Variants in CDKN2B-AS1 observed in about 807,000 individuals in gnomAD.
The protein encoded by CDKN2B-AS1 is CDKN2B antisense RNA 1 (non-protein coding).
Position 21,998,911 on chromosome 9 carries a change from A to G in CDKN2B-AS1, n.29+3750A>G, listed in dbSNP as rs573847763. Among the ~76,000 whole-genome samples, 4 of 152,344 alleles carry G rather than the reference A, an allele frequency of 2.6e-5. No individual in the cohort carries two copies. In the East Asian group the frequency reaches 7.7e-4, roughly 29 times the overall value. On this transcript the variant is annotated intron_variant and non_coding_transcript_variant, in intron 1 of 4. Transcript: ENST00000650946. ...ATAAAAAACAATTATTTGATCATAT[A>G]TGTCAAAAGATTAATTACTAGACTA...
chr9:22,046,868 A>G (rs529606349), exon 2 of CDKN2B-AS1: 1 of 152,300 alleles, frequency 6.6e-6, no homozygotes, highest in Middle Eastern at 3.4e-3. Context: ...ATTGAAAAAC[A>G]CACATCAAAG....
rs1402144979 is a variant in CDKN2B-AS1 at position 22,005,895 on chromosome 9, TC to T, written n.29+10738del. On this transcript the variant is annotated intron_variant and non_coding_transcript_variant, in intron 1 of 4. Coordinates refer to ENST00000650946, the Ensembl canonical transcript of CDKN2B-AS1. This position sits in a 1 kb window ranked among gnomAD's most constrained non-coding sequence, Gnocchi z 4.9. ...TGCAGGCTTACAGGCTTTCCGCCGC[TC>T]CCCGTTGGCAGCCTTCATCGAATTA... 44 of 1,514,960 alleles carry T rather than the reference TC, an allele frequency of 2.9e-5. No individual in the cohort carries two copies. The highest frequency in any genetic ancestry group is 3.9e-5 in the Non-Finnish European group (44 of 1,124,384). The allele number at this position is 1,514,960 out of a possible 1,614,324, so 93.8% of individuals were successfully genotyped here. A position where few individuals can be genotyped will look rare whatever the true frequency, so the allele number is the denominator to read the frequency against.
At chr9:22,106,644 AG>A (rs1825668531) in intron 4 of CDKN2B-AS1, among the ~76,000 whole-genome samples, 1 of 152,248 alleles carries the variant, frequency 6.6e-6, no homozygotes, top group African/African-American at 2.4e-5. Context: ...GGCACAAAGT[AG>A]GCACTTCATA....
chr9:22,083,051 A>G (rs1284545450), intron 4 of CDKN2B-AS1, among the ~76,000 whole-genome samples: 1 of 152,224 alleles, frequency 6.6e-6, no homozygotes. Context: ...GATTTGTGTC[A>G]TAATAACAAA....
At chr9:22,010,341 G>A (rs1008037072) in intron 1 of CDKN2B-AS1, among the ~76,000 whole-genome samples, 3 of 152,144 alleles carry the variant, frequency 2.0e-5, no homozygotes, top group African/African-American at 7.2e-5. Context: ...GAAGAGAACC[G>A]CAAGTTATGG....
intron 4 of CDKN2B-AS1, among the ~76,000 whole-genome samples, chr9:22,124,716 T>C (rs1817990782): frequency 6.6e-6 from 1 of 152,210 alleles, no homozygotes; most frequent in South Asian, 2.1e-4. Flanking sequence ...GGGAACAGCG[T>C]GGAGTCTAGC....
rs191172545 is a variant in CDKN2B-AS1, at chr9:22,031,292, A to G, written n.30-15459A>G. Among the ~76,000 whole-genome samples, 4 of 152,348 alleles carry G rather than the reference A, an allele frequency of 2.6e-5. No individual in the cohort carries two copies. In the South Asian group the frequency reaches 6.2e-4, roughly 24 times the overall value. On this transcript the variant is annotated intron_variant and non_coding_transcript_variant, in intron 1 of 4. Coordinates refer to ENST00000650946, the Ensembl canonical transcript of CDKN2B-AS1. ...CTTAAAAGAGTTACACCTACAGTCC[A>G]TATACCACCCATAATCATCTCAAGT...
intron 1 of CDKN2B-AS1, among the ~76,000 whole-genome samples, chr9:22,019,985 TGTTA>T (rs1436697162): frequency 2.0e-5 from 3 of 152,102 alleles, no homozygotes; most frequent in South Asian, 2.1e-4. Flanking sequence ...GTCTAGTACT[TGTTA>T]GTTAGTTATT....
chr9:22,090,992 C>T (rs200629181), intron 4 of CDKN2B-AS1, among the ~76,000 whole-genome samples: 30 of 152,138 alleles, frequency 2.0e-4, no homozygotes, highest in African/African-American at 6.0e-4. Context: ...CCATCTTGAA[C>T]TAATTTTTGT....
intron 4 of CDKN2B-AS1, among the ~76,000 whole-genome samples, chr9:22,103,184 G>A (rs1537372): frequency 1.1e-4 from 15 of 133,212 alleles, no homozygotes; most frequent in African/African-American, 3.2e-4. Context: ...TGTGTGGTGC[G>A]TGAAGAGAGG....
intron 1 of CDKN2B-AS1, among the ~76,000 whole-genome samples, chr9:22,019,272 T>TA (rs1321496927): frequency 1.3e-5 from 2 of 152,238 alleles, no homozygotes; most frequent in African/African-American, 4.8e-5. Context: ...CAGTTAAATT[T>TA]AAAAAATACT....
intron 1 of CDKN2B-AS1, among the ~76,000 whole-genome samples, chr9:22,028,810 T>C (rs1286956525): frequency 6.6e-6 from 1 of 152,156 alleles, no homozygotes; most frequent in Non-Finnish European, 1.5e-5. Flanking sequence ...CCATTATAGA[T>C]TTGAATTGAT....
chr9:22,081,737 CCT>C (rs1392369151), intron 4 of CDKN2B-AS1, among the ~76,000 whole-genome samples: 5 of 152,204 alleles, frequency 3.3e-5, no homozygotes, highest in Admixed American at 3.3e-4. Context: ...GACACTTTTC[CCT>C]CTGACTCAGT....
At chr9:22,075,559 C>A (rs2131322011) in intron 4 of CDKN2B-AS1, among the ~76,000 whole-genome samples, 1 of 152,292 alleles carries the variant, frequency 6.6e-6, no homozygotes, top group South Asian at 2.1e-4. Context: ...AAAACCACAA[C>A]CCCCAAATTG....
chr9:22,113,662 A>G (rs886367690), intron 4 of CDKN2B-AS1: 3 of 152,160 alleles, frequency 2.0e-5, no homozygotes, highest in African/African-American at 7.2e-5. Flanking sequence ...TGCTTGCCTC[A>G]CAGGATCTTA....
chr9:22,012,037 A>G (rs1367211613), intron 1 of CDKN2B-AS1: 3 of 561,560 alleles, frequency 5.3e-6, no homozygotes, highest in Non-Finnish European at 9.7e-6. Flanking sequence ...GATCACTAGT[A>G]ATAATATTTT....
Position 22,005,490 on chromosome 9 carries a change from T to C in CDKN2B-AS1, n.29+10329T>C. On this transcript the variant is annotated intron_variant and non_coding_transcript_variant, in intron 1 of 4. Transcript: ENST00000650946. The surrounding 1 kb of genome is among the most constrained non-coding windows in gnomAD (Gnocchi z 4.9). ...GCCCTCCTCCACTTTGTCCTCAGTCTTCAGGTTTTCCTTTCTGCCGCTAGG... is the reference window on the plus strand; with the variant it reads ...GCCCTCCTCCACTTTGTCCTCAGTCCTCAGGTTTTCCTTTCTGCCGCTAGG... 1 of 274,382 alleles carries C rather than the reference T, an allele frequency of 3.6e-6. No homozygotes were observed. Among genetic ancestry groups the C allele is most frequent in the South Asian group, 9.5e-5 (1 of 10,500 alleles). The allele number at this position is 274,382 out of a possible 1,614,324, so 17.0% of individuals were successfully genotyped here.
intron 4 of CDKN2B-AS1, among the ~76,000 whole-genome samples, chr9:22,085,316 C>T (rs1014775267): frequency 1.3e-5 from 2 of 152,150 alleles, no homozygotes; most frequent in Non-Finnish European, 2.9e-5. Flanking sequence ...TATGCTTATC[C>T]CAACCCCACC....
At chr9:21,998,987 A>C (rs542644386) in intron 1 of CDKN2B-AS1, among the ~76,000 whole-genome samples, 1 of 152,368 alleles carries the variant, frequency 6.6e-6, no homozygotes, top group Admixed American at 6.5e-5. Context: ...AAAAAGGCAA[A>C]GGATATAATA....
Sources: allele counts gnomAD v4.1 joint callset (sites outside exome capture counted in the v4.1 genomes callset), GRCh38; gene constraint gnomAD v4.1.1; non-coding constraint Gnocchi (gnomAD v3.1); transcripts MANE v1.5; gene names NCBI Gene and HGNC (gene_info 2026-07-23, HGNC 2026-07-21).